EDIL3: variants seen among roughly 807,000 people sequenced by gnomAD.
EDIL3 encodes the protein EGF like and discoidin domains 3, also known as EGF-like repeat and discoidin I-like domain-containing protein 3.
EDIL3 carries 37 observed loss-of-function variants against 67.4 expected under a neutral mutation model. The ratio of observed to expected loss-of-function variants is 0.55; its 90% CI spans 0.42 to 0.72. The LOEUF is 0.72. EDIL3 is among the 30% of genes least tolerant of loss of function. The pLI is 0.00. For missense variants in EDIL3, 527 were observed against 586.3 expected (o/e 0.90, Z 1.04); for synonymous variants, 195 against 196.3 (o/e 0.99, Z 0.05).
chr5:84,371,919 A>T (rs167368), intron 1 of EDIL3, among the ~76,000 whole-genome samples: 165 of 151,904 alleles, frequency 1.1e-3, no homozygotes, highest in African/African-American at 3.8e-3. Context: ...CCCAATTCAA[A>T]CTTTCAGTCC....
intron 6 of EDIL3, among the ~76,000 whole-genome samples, chr5:84,094,022 C>T (rs1374884556): frequency 6.6e-6 from 1 of 152,046 alleles, no homozygotes; most frequent in Admixed American, 6.5e-5. Context: ...TCCAAAGAAT[C>T]TAGAGTTAAG....
intron 6 of EDIL3, among the ~76,000 whole-genome samples, chr5:84,078,296 ATG>A (rs371344753): frequency 6.6e-6 from 1 of 151,722 alleles, no homozygotes; most frequent in Non-Finnish European, 1.5e-5. Flanking sequence ...ACCTGTGTGT[ATG>A]TGTGTGTGTG....
chr5:83,991,425 A>G (rs1331376283), intron 9 of EDIL3, among the ~76,000 whole-genome samples: 2 of 152,122 alleles, frequency 1.3e-5, no homozygotes, highest in African/African-American at 2.4e-5. Context: ...TCATCGATTC[A>G]CCATCTACTT....
At chr5:84,207,546 C>T (rs919920821) in intron 3 of EDIL3, among the ~76,000 whole-genome samples, 1 of 151,984 alleles carries the variant, frequency 6.6e-6, no homozygotes, top group Admixed American at 6.5e-5. Flanking sequence ...GAAAAAACTA[C>T]TTTAAAGTTC....
chr5:84,317,687 C>T (rs1350948617), intron 1 of EDIL3, among the ~76,000 whole-genome samples: 1 of 152,098 alleles, frequency 6.6e-6, no homozygotes, highest in East Asian at 1.9e-4. Context: ...CTATTTATGA[C>T]AAACCCAAAG....
chr5:83,991,843 T>C (rs1244837159), intron 9 of EDIL3, among the ~76,000 whole-genome samples: 3 of 152,154 alleles, frequency 2.0e-5, no homozygotes, highest in Non-Finnish European at 4.4e-5. Context: ...CCTATCTCCC[T>C]AAAGCTCCCC....
At chr5:83,980,285 C>A (rs1456668334) in intron 9 of EDIL3, among the ~76,000 whole-genome samples, 1 of 151,360 alleles carries the variant, frequency 6.6e-6, no homozygotes, top group Non-Finnish European at 1.5e-5. Context: ...GCTGAAACAA[C>A]CATTTATAGA....
chr5:84,081,710 C>A (rs1347681447), intron 6 of EDIL3, among the ~76,000 whole-genome samples: 1 of 151,444 alleles, frequency 6.6e-6, no homozygotes, highest in African/African-American at 2.4e-5. Flanking sequence ...ATGGGCTGTA[C>A]AAAAGCAAAC....
chr5:84,330,996 T>C (rs1262682180), intron 1 of EDIL3, among the ~76,000 whole-genome samples: 2 of 152,208 alleles, frequency 1.3e-5, no homozygotes, highest in Non-Finnish European at 2.9e-5. Context: ...GAAGATCATT[T>C]TGGAACTTTA....
chr5:83,955,061 A>G (rs1744491100), intron 10 of EDIL3, among the ~76,000 whole-genome samples: 1 of 151,740 alleles, frequency 6.6e-6, no homozygotes, highest in Non-Finnish European at 1.5e-5. Context: ...ACACTTGATG[A>G]TTTTTCTTAG....
intron 9 of EDIL3, among the ~76,000 whole-genome samples, chr5:84,028,909 CA>C (rs1316423702): frequency 3.9e-5 from 6 of 152,186 alleles, no homozygotes; most frequent in African/African-American, 1.4e-4. Flanking sequence ...GTAATTGAAT[CA>C]TGGGGGCAAG....
At chr5:84,044,661 G>A (rs569131043) in intron 9 of EDIL3, among the ~76,000 whole-genome samples, 1 of 152,296 alleles carries the variant, frequency 6.6e-6, no homozygotes, top group Non-Finnish European at 1.5e-5. Context: ...GAAATTTTGT[G>A]TTGGGCTAGT....
At chr5:84,314,968 A>C (rs557588923) in intron 1 of EDIL3, among the ~76,000 whole-genome samples, 9 of 152,282 alleles carry the variant, frequency 5.9e-5, no homozygotes, top group Middle Eastern at 3.4e-3. Flanking sequence ...TAGGAAGCAT[A>C]ATGTGTGCTA....
chr5:84,194,873 G>A (rs988630143), intron 3 of EDIL3, among the ~76,000 whole-genome samples: 8 of 151,792 alleles, frequency 5.3e-5, no homozygotes, highest in East Asian at 1.9e-4. Flanking sequence ...TTTCCTTCAC[G>A]AAAGTTATTA....
At chr5:84,272,393 C>A (rs188610267) in intron 1 of EDIL3, among the ~76,000 whole-genome samples, 1 of 151,892 alleles carries the variant, frequency 6.6e-6, no homozygotes, top group African/African-American at 2.4e-5. Flanking sequence ...TAAAAATATA[C>A]GCTAAAGTCC....
intron 1 of EDIL3, among the ~76,000 whole-genome samples, chr5:84,358,122 A>G (rs986444814): frequency 1.3e-5 from 2 of 152,180 alleles, no homozygotes; most frequent in African/African-American, 4.8e-5. Context: ...GAACCCCAGA[A>G]TTTGTAGGTT....
At chr5:84,026,480 T>G (rs1469272041) in intron 9 of EDIL3, among the ~76,000 whole-genome samples, 1 of 152,168 alleles carries the variant, frequency 6.6e-6, no homozygotes, top group Non-Finnish European at 1.5e-5. Flanking sequence ...TCATTTTTTT[T>G]CATGGAGTTT....
At chr5:84,107,404 A>C (rs1158070123) in intron 5 of EDIL3, among the ~76,000 whole-genome samples, 1 of 151,838 alleles carries the variant, frequency 6.6e-6, no homozygotes, top group East Asian at 1.9e-4. Context: ...ATAATACCCC[A>C]TGATATATTA....
intron 10 of EDIL3, among the ~76,000 whole-genome samples, chr5:83,961,107 A>G (rs1744599249): frequency 6.6e-6 from 1 of 151,082 alleles, no homozygotes; most frequent in Non-Finnish European, 1.5e-5. Context: ...TAGATTTCAG[A>G]GCAAAAAATA....
Sources: gnomAD v4.1 joint callset for allele counts (sites outside exome capture counted in the v4.1 genomes callset) on GRCh38, gnomAD v4.1.1 for gene constraint, MANE v1.5 for transcripts, NCBI Gene and HGNC (gene_info 2026-07-23, HGNC 2026-07-21) for gene names.